The following ZDBF2 variants were observed in gnomAD, a reference collection of about 807,000 sequenced individuals.
ZDBF2 encodes the protein DBF4-type zinc finger-containing protein 2.
Under a neutral mutation model 9.4 loss-of-function variants are expected in ZDBF2, and 6 were observed. The ratio of observed to expected loss-of-function variants is 0.64; its 90% confidence interval spans 0.35 to 1.27. The LOEUF (loss-of-function observed/expected upper bound fraction) is 1.27. Among genes scored for constraint, ZDBF2 ranks in the 50% most tolerant of loss-of-function variants. ZDBF2 has a pLI of 0.03. For synonymous variants in ZDBF2, 905 were observed against 946.3 expected, an observed-to-expected ratio of 0.96 and a Z score of 0.80; for missense variants, 2,697 against 2,766.8, an observed-to-expected ratio of 0.97 and a Z score of 0.57.
Position 206,307,314 on chromosome 2 carries a change from G to A in ZDBF2, c.2786G>A (p.Gly929Glu). 1 of 1,611,882 alleles carries A rather than the reference G, an allele frequency of 6.2e-7. No individual in the cohort carries two copies. The highest frequency in any genetic ancestry group is 1.3e-5 in the African/African-American group (1 of 74,886). Residue 929 changes from glycine to glutamate, a missense_variant, in exon 5 of 5, where the codon GGA (glycine) becomes GAA (glutamate). This residue lies in a region of ZDBF2 where 1,783 missense variants were observed against 1,776.5 expected (regional missense o/e 1.00). Coordinates refer to ENST00000374423, the MANE Select transcript of ZDBF2 (RefSeq NM_020923.3). ...DYNIIFHSVTGRSEDPIKEIS... is the reference protein window; with the variant it reads ...DYNIIFHSVTERSEDPIKEIS... ...AATATCATTTTTCATTCAGTGACTGGACGTTCTGAAGATCCCATTAAAGAA... is the reference window on the plus strand; with the variant it reads ...AATATCATTTTTCATTCAGTGACTGAACGTTCTGAAGATCCCATTAAAGAA...
intron 3 of ZDBF2, among the ~76,000 whole-genome samples, chr2:206,287,130 T>A (rs1437041789): frequency 6.6e-6 from 1 of 152,194 alleles, no homozygotes; most frequent in Non-Finnish European, 1.5e-5. Context: ...GTTGGATGTC[T>A]TTTCTCTTTC....
chr2:206,285,708 G>A (rs956620058), intron 3 of ZDBF2, among the ~76,000 whole-genome samples: 5 of 152,036 alleles, frequency 3.3e-5, no homozygotes, highest in Non-Finnish European at 5.9e-5. Context: ...GGTCTTTTCC[G>A]TAAAATCTTT....
rs375455376 is a variant in ZDBF2, at chr2:206,309,242, G to A, written c.4714G>A (p.Asp1572Asn). The A allele has an allele frequency of 4.4e-6, 7 of 1,607,818 alleles. No homozygotes were observed. Among genetic ancestry groups the A allele is most frequent in the African/African-American group, 2.7e-5 (2 of 74,836 alleles). The change falls in exon 5 of 5, where the codon GAT (aspartate) becomes AAT (asparagine). Residue 1572 changes from aspartate to asparagine, a missense_variant. Physicochemically the swap from Asp to Asn is conservative, Grantham distance 23. Transcript: ENST00000374423. ...CINTECIDIE[D>N]KSCDFFGSEV... ...AAATACAGAATGTATTGATATAGAA[G>A]ATAAGAGCTGTGACTTTTTTGGTTC...
chr2:206,277,139 G>C (rs115928721), intron 1 of ZDBF2, among the ~76,000 whole-genome samples: 16 of 151,954 alleles, frequency 1.1e-4, no homozygotes, highest in Non-Finnish European at 1.8e-4. Flanking sequence ...TCAGGCAGTT[G>C]AAAAATATGT....
In ZDBF2 at chr2:206,301,687, T is replaced by C. The variant is rs1278371022; in HGVS notation, c.189-3030T>C. 2.6e-5 allele frequency among the ~76,000 whole-genome samples: 4 copies of C among 152,146 alleles called. No individual in the cohort carries two copies. The East Asian group carries it at 7.7e-4, about 29-fold the overall frequency. On this transcript the variant is annotated intron_variant, in intron 4 of 4. Transcript: ENST00000374423. ...TTATGATTTTAAAACATTTCCTTTC[T>C]GTTTCCCCCTTGTCTAGACATTGTA...
chr2:206,276,124 A>T (rs1392074504), intron 1 of ZDBF2, among the ~76,000 whole-genome samples: 1 of 152,202 alleles, frequency 6.6e-6, no homozygotes, highest in Non-Finnish European at 1.5e-5. Context: ...TTAAAAAAAA[A>T]TAAGATCGCA....
At chr2:206,304,585 G>A (rs1692665527) in intron 4 of ZDBF2, 132 bp from the exon 5 acceptor site, 2 of 1,132,694 alleles carry the variant, frequency 1.8e-6, no homozygotes, top group South Asian at 1.7e-5. Flanking sequence ...TTCAGCCTGG[G>A]GTGACTGCCT....
intron 4 of ZDBF2, among the ~76,000 whole-genome samples, chr2:206,303,002 C>G (rs972530230): frequency 6.6e-6 from 1 of 152,022 alleles, no homozygotes; most frequent in African/African-American, 2.4e-5. Flanking sequence ...CACACAATTT[C>G]TCTATTATTA....
chr2:206,299,451 G>A (rs2105935469), intron 4 of ZDBF2, among the ~76,000 whole-genome samples: 1 of 150,370 alleles, frequency 6.7e-6, no homozygotes, highest in Non-Finnish European at 1.5e-5. Flanking sequence ...TGGGCTGATG[G>A]CTTGAGGTCA....
rs760512360 is a variant in ZDBF2, at chr2:206,308,955, C to T, written c.4427C>T (p.Ala1476Val). The change falls in exon 5 of 5, where the codon GCA (alanine) becomes GTA (valine). Residue 1476 changes from alanine (A) to valine (V), a missense_variant. Around this residue, in one of 3 missense-constraint regions of ZDBF2, gnomAD observed 1,783 missense variants for 1,776.5 expected, o/e 1.00. Coordinates refer to ENST00000374423, the MANE Select transcript of ZDBF2 (RefSeq NM_020923.3). ...CAACCTCAAGTGTCTTACAAAGAGG[C>T]AGACCTTCAGAAGGAAGAGCATGTT... The part of the protein sequence containing the change: ...VDQPQVSYKE[A>V]DLQKEEHVVM... The T allele has an allele frequency of 6.2e-7, 1 of 1,613,422 alleles. No individual in the cohort carries two copies. Among genetic ancestry groups the T allele is most frequent in the South Asian group, 1.1e-5 (1 of 91,018 alleles).
In ZDBF2 at chr2:206,305,431, A is replaced by G. The variant is rs1692728105; in HGVS notation, c.903A>G (p.Lys301=). Residue 301 remains lysine (K), a synonymous_variant, in exon 5 of 5, where the codon AAA becomes AAG. Coordinates refer to ENST00000374423, the MANE Select transcript of ZDBF2 (RefSeq NM_020923.3). ...GTACTAAGGGCTCCTTAAGAGTTAA[A>G]TCTCCTTCCAAATTAGCAGTAAACC... ...RMGTKGSLRV[K]SPSKLAVNPN... 1 of 1,613,340 alleles carries G rather than the reference A, an allele frequency of 6.2e-7. No homozygotes were observed. The highest frequency in any genetic ancestry group is 8.5e-7 in the Non-Finnish European group (1 of 1,179,714).
At chr2:206,275,248 C>T (rs1690924555) in intron 1 of ZDBF2, among the ~76,000 whole-genome samples, 1 of 151,992 alleles carries the variant, frequency 6.6e-6, no homozygotes, top group African/African-American at 2.4e-5. Context: ...GACGAGGCCT[C>T]GGGTCCGGGC....
chr2:206,307,088 A>G lies in ZDBF2; in HGVS notation c.2560A>G (p.Lys854Glu). The change falls in exon 5 of 5, where the codon AAA becomes GAA. Residue 854 changes from lysine to glutamate, a missense_variant. Around this residue, in one of 3 missense-constraint regions of ZDBF2, gnomAD observed 1,783 missense variants for 1,776.5 expected, o/e 1.00. Transcript: ENST00000374423. ...AGTAGCTGTTAAAGAAGTAATTCAG[A>G]AAGAAGAGTACATTCACTTAGAAAG... is the stretch of plus-strand genomic sequence containing the variant. ...PEVAVKEVIQ[K>E]EEYIHLERKN... The G allele has an allele frequency of 1.9e-6, 3 of 1,611,838 alleles. No individual in the cohort carries two copies. Among genetic ancestry groups the G allele is most frequent in the Middle Eastern group, 1.7e-4 (1 of 6,038 alleles).
rs772360314 is a variant in ZDBF2, at chr2:206,306,370, TAAG to T, written c.1846_1848del (p.Lys616del). ...AAGGTAGACAAGTCCACCTAAAACATAAGAAGCGTAAACCCAGTAGTGCTAAAG... is the reference window on the plus strand; with the variant it reads ...AAGGTAGACAAGTCCACCTAAAACATAAGCGTAAACCCAGTAGTGCTAAAG... On this transcript the variant is annotated inframe_deletion, in exon 5 of 5. Coordinates refer to ENST00000374423, the MANE Select transcript of ZDBF2 (RefSeq NM_020923.3). 16 of 1,613,768 alleles carry T rather than the reference TAAG, an allele frequency of 9.9e-6. No individual in the cohort carries two copies. Among genetic ancestry groups the T allele is most frequent in the East Asian group, 2.2e-5 (1 of 44,876 alleles).
In ZDBF2 at chr2:206,274,902, G is replaced by A. The variant is rs1218188494; in HGVS notation, c.-147G>A. On this transcript the variant is annotated 5_prime_UTR_variant, in exon 1 of 5. Coordinates refer to ENST00000374423, the MANE Select transcript of ZDBF2 (RefSeq NM_020923.3). ...AGGGAGAGCGCCCGGCTCGGTCCTC[G>A]GTCTCCACCGCGGCCCGGAAGGAAT... 1.3e-5 allele frequency: 2 copies of A among 151,704 alleles called. No homozygotes were observed. Among genetic ancestry groups the A allele is most frequent in the East Asian group, 3.9e-4 (2 of 5,160 alleles). 9.4% of individuals were successfully genotyped at this position (151,704 alleles called of 1,614,324 possible).
At chr2:206,277,324 A>C (rs888709711) in intron 1 of ZDBF2, among the ~76,000 whole-genome samples, 3 of 151,606 alleles carry the variant, frequency 2.0e-5, no homozygotes, top group East Asian at 1.9e-4. Flanking sequence ...AAAAAAAAAA[A>C]CCAAAAACAA....
chr2:206,299,774 T>C (rs1234222399), intron 4 of ZDBF2, among the ~76,000 whole-genome samples: 1 of 151,348 alleles, frequency 6.6e-6, no homozygotes, highest in Non-Finnish European at 1.5e-5. Context: ...GCATCCGGCC[T>C]GGGCAACATA....
At position 206,307,673 on chromosome 2, in the gene ZDBF2, C is replaced by T. The variant is rs746541400; in HGVS notation, c.3145C>T (p.Pro1049Ser). The change falls in exon 5 of 5, where the codon CCT (proline) becomes TCT (serine). Residue 1049 changes from proline to serine, a missense_variant. By Grantham distance (74) the Pro-to-Ser change is moderately conservative. Coordinates refer to ENST00000374423, the MANE Select transcript of ZDBF2 (RefSeq NM_020923.3). ...AATAATTTTGGATTCTAATGTTCCA[C>T]CTCAGTCAATGACTGACCAACCTCA... ...SEIILDSNVPPQSMTDQPQLA... is the reference protein window; with the variant it reads ...SEIILDSNVPSQSMTDQPQLA... 1.2e-6 allele frequency: 2 copies of T among 1,613,154 alleles called. No homozygotes were observed. Among genetic ancestry groups the T allele is most frequent in the South Asian group, 2.2e-5 (2 of 90,840 alleles).
rs1692777181 is a variant in ZDBF2, at chr2:206,306,111, A to G, written c.1583A>G (p.Asp528Gly). 1 of 1,613,726 alleles carries G rather than the reference A, an allele frequency of 6.2e-7. No homozygotes were observed. The highest frequency in any genetic ancestry group is 1.3e-5 in the African/African-American group (1 of 74,926). The change falls in exon 5 of 5, where the codon GAT becomes GGT. Residue 528 changes from aspartate to glycine, a missense_variant. By Grantham distance (94) the Asp-to-Gly change is moderately conservative. Coordinates refer to ENST00000374423, the MANE Select transcript of ZDBF2 (RefSeq NM_020923.3). ...AAGGAAGTGCACATTGGTTTGGTTG[A>G]TAAGAACTATGGTTCCAGTAGCTCT... is the stretch of plus-strand genomic sequence containing the variant. ...LPKEVHIGLV[D>G]KNYGSSSSEV... is the part of the protein sequence containing the mutation.
Sources: allele counts gnomAD v4.1 joint callset (sites outside exome capture counted in the v4.1 genomes callset), GRCh38; gene constraint gnomAD v4.1.1; regional missense constraint gnomAD v4.1.1; transcripts MANE v1.5; gene names NCBI Gene and HGNC (gene_info 2026-07-23, HGNC 2026-07-21).